XKR4: variants seen among roughly 807,000 people sequenced by gnomAD.
The protein encoded by XKR4 is XK-related protein 4.
In XKR4, 12 loss-of-function variants were observed where a neutral mutation model predicts 53.9. That is an observed-to-expected ratio of 0.22 (90% confidence interval 0.14 to 0.36). The LOEUF (loss-of-function observed/expected upper bound fraction) is 0.36. Ranked by LOEUF, XKR4 falls within the 10% of genes least tolerant of loss-of-function variation. The pLI, the probability that XKR4 is intolerant of heterozygous loss-of-function variation, is 1.00. For missense variants in XKR4, 799 were observed against 859.5 expected (o/e 0.93, Z 0.88); for synonymous variants, 354 against 362.4 (o/e 0.98, Z 0.26).
chr8:55,438,590 G>GAAAA (rs751832656), intron 2 of XKR4, among the ~76,000 whole-genome samples: 28 of 100,268 alleles, frequency 2.8e-4, no homozygotes, highest in Admixed American at 4.7e-4. Context: ...ACTCCATCTT[G>GAAAA]AAAAAAAAAA....
Position 55,524,842 on chromosome 8 carries a change from T to C in XKR4, c.*615T>C, listed in dbSNP as rs1057239502. The C allele has an allele frequency of 6.5e-6, 1 of 152,708 alleles. No individual in the cohort carries two copies. Among genetic ancestry groups the C allele is most frequent in the African/African-American group, 2.4e-5 (1 of 41,456 alleles). 9.5% of individuals were successfully genotyped at this position (152,708 alleles called of 1,614,324 possible). On this transcript the variant is annotated 3_prime_UTR_variant, in exon 3 of 3. Coordinates refer to ENST00000327381, the MANE Select transcript of XKR4 (RefSeq NM_052898.2). ...AGCAAACCCAAATGTTGTCTACACATGTGTTAGCATTGATGGAGTGGTTCA... is the reference window on the plus strand; with the variant it reads ...AGCAAACCCAAATGTTGTCTACACACGTGTTAGCATTGATGGAGTGGTTCA...
chr8:55,164,071 C>T (rs1272792771), intron 1 of XKR4: 1 of 391,512 alleles, frequency 2.6e-6, no homozygotes, highest in East Asian at 7.3e-5. Context: ...GCTCCTTTGC[C>T]CTTATCTGTG....
intron 1 of XKR4, among the ~76,000 whole-genome samples, chr8:55,179,069 T>C (rs1817274000): frequency 6.6e-6 from 1 of 152,074 alleles, no homozygotes; most frequent in Non-Finnish European, 1.5e-5. Context: ...AGGGCTTAAA[T>C]ATGGCAGGAG....
At chr8:55,103,889 A>ATATC (rs1554559296) in intron 1 of XKR4, among the ~76,000 whole-genome samples, 2 of 126,414 alleles carry the variant, frequency 1.6e-5, no homozygotes, top group Non-Finnish European at 3.3e-5. Context: ...ATATATATAT[A>ATATC]TATATCCCCG....
intron 1 of XKR4, among the ~76,000 whole-genome samples, chr8:55,162,815 C>G (rs1190065102): frequency 6.6e-6 from 1 of 151,820 alleles, no homozygotes; most frequent in Non-Finnish European, 1.5e-5. Context: ...GTTCTTTTTT[C>G]TAATGAAAAA....
chr8:55,312,002 G>T (rs1012312975), intron 1 of XKR4, among the ~76,000 whole-genome samples: 1 of 152,078 alleles, frequency 6.6e-6, no homozygotes, highest in African/African-American at 2.4e-5. Context: ...GGTTAAATTT[G>T]CTCTGAAACA....
chr8:55,449,986 A>T (rs746507669), intron 2 of XKR4: 20 of 820,104 alleles, frequency 2.4e-5, no homozygotes, highest in Non-Finnish European at 3.8e-5. Flanking sequence ...CTGCAGGTAC[A>T]TACCCAGCGA....
chr8:55,230,873 C>T (rs368999106), intron 1 of XKR4, among the ~76,000 whole-genome samples: 47 of 152,236 alleles, frequency 3.1e-4, no homozygotes, highest in African/African-American at 1.1e-3. Context: ...CACTGGTGCT[C>T]GGAGTAGGAG....
intron 2 of XKR4, chr8:55,452,938 T>A (rs1805477316): frequency 1.3e-6 from 1 of 786,624 alleles, no homozygotes; most frequent in Non-Finnish European, 2.3e-6. Context: ...CTCTCCTCCT[T>A]CTGCATCAGC....
chr8:55,334,487 T>G (rs1205034438), intron 1 of XKR4, among the ~76,000 whole-genome samples: 1 of 152,152 alleles, frequency 6.6e-6, no homozygotes, highest in Non-Finnish European at 1.5e-5. Flanking sequence ...TACTGTTTCA[T>G]AAATTCTGGG....
chr8:55,487,255 G>A lies in XKR4; in HGVS notation c.1007-36026G>A, dbSNP rs539237229. On this transcript the variant is annotated intron_variant, in intron 2 of 2. Coordinates refer to ENST00000327381, the MANE Select transcript of XKR4 (RefSeq NM_052898.2). ...TGGAGTTCTGATGTTCAAGACAGCA[G>A]GAGAAAAGTCTGCCCCAACTCTCAG... 5.9e-5 allele frequency among the ~76,000 whole-genome samples: 9 copies of A among 152,262 alleles called. 1 individual carries two copies. Among genetic ancestry groups the A allele is most frequent in the African/African-American group, 1.9e-4 (8 of 41,550 alleles).
At chr8:55,153,038 A>C (rs894312248) in intron 1 of XKR4, among the ~76,000 whole-genome samples, 1 of 152,116 alleles carries the variant, frequency 6.6e-6, no homozygotes, top group Admixed American at 6.5e-5. Flanking sequence ...ATGTCATTGG[A>C]CTAGTTCTTT....
chr8:55,195,601 A>G (rs1229006045), intron 1 of XKR4, among the ~76,000 whole-genome samples: 2 of 152,196 alleles, frequency 1.3e-5, no homozygotes, highest in Non-Finnish European at 2.9e-5. Flanking sequence ...AAAATGAACA[A>G]TTTAAACTCC....
intron 1 of XKR4, among the ~76,000 whole-genome samples, chr8:55,148,013 A>G (rs1271414836): frequency 6.6e-6 from 1 of 152,136 alleles, no homozygotes; most frequent in Non-Finnish European, 1.5e-5. Context: ...CTCATTCCTC[A>G]TTTCTCTAAC....
intron 2 of XKR4, chr8:55,452,760 G>T (rs2929048): frequency 0.44 from 364,932 of 827,218 alleles, 82,455 homozygotes; most frequent in East Asian, 0.52. Flanking sequence ...GCCGCTCCCC[G>T]TGTCATAGCT....
chr8:55,193,379 T>A (rs1001727183), intron 1 of XKR4, among the ~76,000 whole-genome samples: 2 of 152,116 alleles, frequency 1.3e-5, no homozygotes, highest in African/African-American at 4.8e-5. Flanking sequence ...ACTGCATGCA[T>A]CTTTCCTTCA....
intron 2 of XKR4, among the ~76,000 whole-genome samples, chr8:55,496,677 GCT>G (rs1806355590): frequency 6.6e-6 from 1 of 152,094 alleles, no homozygotes; most frequent in South Asian, 2.1e-4. Context: ...AACTATGTAG[GCT>G]TTTGAATGTG....
intron 1 of XKR4, among the ~76,000 whole-genome samples, chr8:55,256,975 G>T (rs1488526666): frequency 6.6e-6 from 1 of 152,182 alleles, no homozygotes; most frequent in Non-Finnish European, 1.5e-5. Context: ...TTCATAAATG[G>T]CACCTACTTG....
intron 1 of XKR4, among the ~76,000 whole-genome samples, chr8:55,146,768 C>T (rs561807461): frequency 3.3e-5 from 5 of 152,230 alleles, no homozygotes; most frequent in South Asian, 2.1e-4. Context: ...CAAGGTGAAA[C>T]GTTTTTAGGA....
Sources: allele counts gnomAD v4.1 joint callset (sites outside exome capture counted in the v4.1 genomes callset), GRCh38; gene constraint gnomAD v4.1.1; transcripts MANE v1.5; gene names NCBI Gene and HGNC (gene_info 2026-07-23, HGNC 2026-07-21).